The following UST variants were observed in gnomAD, a reference collection of about 807,000 sequenced individuals.
The protein encoded by UST is chondroitin sulfate 2-O-sulfotransferase.
Under a neutral mutation model 45.6 loss-of-function variants are expected in UST, and 21 were observed. That is an observed-to-expected ratio of 0.46 (90% CI 0.33 to 0.66). UST has a LOEUF of 0.66. UST is among the 30% of genes least tolerant of loss of function. The pLI is 0.02. For synonymous variants in UST, 215 were observed against 200.6 expected (o/e 1.07, Z -0.61); for missense variants, 463 against 512.4 (o/e 0.90, Z 0.93).
chr6:148,936,544 G>GTCAGTCCC (rs1183012866), intron 2 of UST, among the ~76,000 whole-genome samples: 1 of 145,890 alleles, frequency 6.9e-6, no homozygotes, highest in African/African-American at 2.6e-5. Context: ...CTAGGACAGG[G>GTCAGTCCC]TCAGTCCCTC....
intron 7 of UST, among the ~76,000 whole-genome samples, chr6:149,056,822 T>G (rs1413458805): frequency 6.6e-6 from 1 of 152,252 alleles, no homozygotes; most frequent in East Asian, 1.9e-4. Flanking sequence ...CACACTTTCC[T>G]GACTTGGGAA....
chr6:148,748,902 T>G lies in UST; in HGVS notation c.247+1225T>G, dbSNP rs996520403. On this transcript the variant is annotated intron_variant, in intron 1 of 7. Coordinates refer to ENST00000367463, the MANE Select transcript of UST (RefSeq NM_005715.3). This position sits in a 1 kb window ranked among gnomAD's most constrained non-coding sequence, Gnocchi z 5.3. ...GCCACAGGTCTAGATAGTAGACCGTTTGGAGAAAAGAGAAAAGAAAAGGAA... is the reference window on the plus strand; with the variant it reads ...GCCACAGGTCTAGATAGTAGACCGTGTGGAGAAAAGAGAAAAGAAAAGGAA... Among the ~76,000 whole-genome samples, 3 of 151,104 alleles carry G rather than the reference T, an allele frequency of 2.0e-5. No homozygotes were observed. Among genetic ancestry groups the G allele is most frequent in the Non-Finnish European group, 4.4e-5 (3 of 67,828 alleles).
intron 7 of UST, among the ~76,000 whole-genome samples, chr6:149,057,626 A>G (rs764426034): frequency 1.3e-5 from 2 of 152,240 alleles, no homozygotes; most frequent in Non-Finnish European, 2.9e-5. Flanking sequence ...AGAAAACCCA[A>G]TCATCTAACA....
chr6:149,066,812 C>T (rs1582984859), intron 7 of UST, among the ~76,000 whole-genome samples: 1 of 152,258 alleles, frequency 6.6e-6, no homozygotes, highest in South Asian at 2.1e-4. Context: ...TGGTAGCTCA[C>T]TCCTGTAGTC....
In UST at chr6:148,749,942, A is replaced by G. The variant is rs530617771; in HGVS notation, c.247+2265A>G. Among the ~76,000 whole-genome samples the G allele has an allele frequency of 1.2e-3, 186 of 152,312 alleles. 1 individual carries two copies. Among genetic ancestry groups the G allele is most frequent in the Middle Eastern group, 3.4e-3 (1 of 294 alleles). The stretch of plus-strand genomic sequence containing the variant: ...TTACGTAAATATAATGATTTTTGGG[A>G]AAAGTGGGCTTGTGGTATTTTGGAT... On this transcript the variant is annotated intron_variant, in intron 1 of 7. Coordinates refer to ENST00000367463, the MANE Select transcript of UST (RefSeq NM_005715.3).
At chr6:148,995,890 C>T (rs1288717543) in intron 5 of UST, among the ~76,000 whole-genome samples, 1 of 152,196 alleles carries the variant, frequency 6.6e-6, no homozygotes, top group Non-Finnish European at 1.5e-5. Flanking sequence ...TCTGCAGGCA[C>T]AGGGCCCTAT....
chr6:148,992,276 G>A (rs1056274261), intron 5 of UST, among the ~76,000 whole-genome samples: 2 of 152,100 alleles, frequency 1.3e-5, no homozygotes, highest in African/African-American at 2.4e-5. Flanking sequence ...AGGCCGAGGC[G>A]GGCAGATCAC....
At chr6:149,035,590 C>CAA (rs961622566) in intron 7 of UST, among the ~76,000 whole-genome samples, 1 of 146,908 alleles carries the variant, frequency 6.8e-6, no homozygotes, top group African/African-American at 2.5e-5. Context: ...CCTGTCTCTA[C>CAA]AAAAAAAAAA....
At chr6:149,031,559 C>T (rs764201913) in intron 7 of UST, among the ~76,000 whole-genome samples, 5 of 152,174 alleles carry the variant, frequency 3.3e-5, no homozygotes, top group Non-Finnish European at 7.3e-5. Flanking sequence ...TTTGTTCTTG[C>T]GTTGGGATCA....
In UST at chr6:148,748,104, C is replaced by G. The variant is rs991311507; in HGVS notation, c.247+427C>G. On this transcript the variant is annotated intron_variant, in intron 1 of 7. Coordinates refer to ENST00000367463, the MANE Select transcript of UST (RefSeq NM_005715.3). This position sits in a 1 kb window ranked among gnomAD's most constrained non-coding sequence, Gnocchi z 5.3. ...TAGTGACCGCAGTTCAGTCCCGTCC[C>G]GCGCCCCGGGGAGTGTGGGTGGGTT... 6.6e-6 allele frequency among the ~76,000 whole-genome samples: 1 copy of G among 152,090 alleles called. No homozygotes were observed. The highest frequency in any genetic ancestry group is 2.4e-5 in the African/African-American group (1 of 41,388).
At chr6:148,796,443 G>A (rs1438878711) in intron 1 of UST, among the ~76,000 whole-genome samples, 1 of 152,032 alleles carries the variant, frequency 6.6e-6, no homozygotes, top group African/African-American at 2.4e-5. Context: ...GGCCAGCATG[G>A]CGAAACCCTG....
rs1376499979 is a variant in UST at position 149,029,397 on chromosome 6, AT to A, written c.937+7918del. On this transcript the variant is annotated intron_variant, in intron 7 of 7. Coordinates refer to ENST00000367463, the MANE Select transcript of UST (RefSeq NM_005715.3). The stretch of plus-strand genomic sequence containing the variant: ...ATAATGTATATATTGTATGTTATAT[AT>A]TATATATAAAATATATACATTATAT... Among the ~76,000 whole-genome samples, 22 of 144,578 alleles carry A rather than the reference AT, an allele frequency of 1.5e-4. No homozygotes were observed. The East Asian group carries it at 3.9e-3, about 26-fold the overall frequency. The allele number at this position is 144,578 out of a possible 152,430, so 94.8% of individuals were successfully genotyped here.
intron 1 of UST, among the ~76,000 whole-genome samples, chr6:148,759,685 A>G (rs1292236085): frequency 1.3e-5 from 2 of 150,640 alleles, no homozygotes; most frequent in East Asian, 3.9e-4. Flanking sequence ...CGTCTGTACT[A>G]AAAATACAAA....
chr6:148,796,495 G>A (rs373205967), intron 1 of UST, among the ~76,000 whole-genome samples: 11 of 151,858 alleles, frequency 7.2e-5, no homozygotes, highest in East Asian at 5.9e-4. Context: ...GTGGTGGCAC[G>A]GGCCTGTAAT....
intron 7 of UST, among the ~76,000 whole-genome samples, chr6:149,053,269 C>T (rs1016812300): frequency 1.5e-4 from 23 of 152,186 alleles, no homozygotes; most frequent in Non-Finnish European, 1.8e-4. Context: ...GAAATAAGTA[C>T]GGTTACCAAC....
In UST at chr6:148,754,214, T is replaced by A. The variant is rs1049803864; in HGVS notation, c.247+6537T>A. Among the ~76,000 whole-genome samples, 8 of 152,240 alleles carry A rather than the reference T, an allele frequency of 5.3e-5. 1 individual carries two copies. In the South Asian group the frequency reaches 1.7e-3, roughly 32 times the overall value. On this transcript the variant is annotated intron_variant, in intron 1 of 7. Transcript: ENST00000367463. ...GGTTTCACTGTGTTAGCCAGGATGG[T>A]CTCGATCTCCTGACCTCGTGATTCG... is the stretch of plus-strand genomic sequence containing the variant.
At chr6:148,860,878 T>G (rs927759834) in intron 1 of UST, among the ~76,000 whole-genome samples, 1 of 152,174 alleles carries the variant, frequency 6.6e-6, no homozygotes, top group Non-Finnish European at 1.5e-5. Flanking sequence ...CTTTTTGAGG[T>G]GCTGTTGGAT....
intron 1 of UST, among the ~76,000 whole-genome samples, chr6:148,781,689 C>T (rs1776646841): frequency 2.6e-5 from 4 of 152,142 alleles, no homozygotes; most frequent in Admixed American, 2.6e-4. Flanking sequence ...GAACCCGGTA[C>T]CTGGCTTTGA....
chr6:148,821,342 T>C (rs949686240), intron 1 of UST, among the ~76,000 whole-genome samples: 1 of 152,134 alleles, frequency 6.6e-6, no homozygotes, highest in Non-Finnish European at 1.5e-5. Flanking sequence ...TAGTGTTGGA[T>C]GTTTCCTCAT....
Sources: gnomAD v4.1 joint callset for allele counts (sites outside exome capture counted in the v4.1 genomes callset) on GRCh38, gnomAD v4.1.1 for gene constraint, Gnocchi (gnomAD v3.1) non-coding constraint, MANE v1.5 for transcripts, NCBI Gene and HGNC (gene_info 2026-07-23, HGNC 2026-07-21) for gene names.